Variants in GSG1L2 observed in about 807,000 individuals in gnomAD.
GSG1L2 encodes the protein germ cell-specific gene 1-like protein 2.
In GSG1L2, 15 loss-of-function variants were observed where a neutral mutation model predicts 9.0. The ratio of observed to expected loss-of-function variants is 1.67; its 90% CI spans 1.12 to 2.57. The LOEUF is 2.57. Among genes scored for constraint, GSG1L2 ranks in the 30% most tolerant of loss-of-function variants. GSG1L2 has a pLI of 0.00. For synonymous variants in GSG1L2, 127 were observed against 57.9 expected (o/e 2.19, Z -5.41); for missense variants, 286 against 150.3 (o/e 1.90, Z -4.72).
intron 1 of GSG1L2, among the ~76,000 whole-genome samples, chr17:9,815,439 C>T (rs2066555790): frequency 6.6e-6 from 1 of 152,250 alleles, no homozygotes; most frequent in Non-Finnish European, 1.5e-5. Flanking sequence ...AAGCACGTTC[C>T]ACCAAACAAT....
chr17:9,803,983 T>C (rs899474049), intron 4 of GSG1L2: 1 of 152,222 alleles, frequency 6.6e-6, no homozygotes, highest in African/African-American at 2.4e-5. Flanking sequence ...TCTTGCTTCG[T>C]GTTTTCATTA....
Position 9,801,115 on chromosome 17 carries a change from T to C in GSG1L2, c.*1271A>G, listed in dbSNP as rs1358758436. On this transcript the variant is annotated 3_prime_UTR_variant, in exon 5 of 5. Transcript: ENST00000399363. ...TATTGGATTTTTTTCCCAGAAATGA[T>C]ATGTTTACAAAACACGTGAATATAA... 6.6e-6 allele frequency among the ~76,000 whole-genome samples: 1 copy of C among 152,190 alleles called. No individual in the cohort carries two copies. The highest frequency in any genetic ancestry group is 1.5e-5 in the Non-Finnish European group (1 of 68,040).
At chr17:9,809,791 C>G (rs1445392704) in intron 2 of GSG1L2, 1 of 152,304 alleles carries the variant, frequency 6.6e-6, no homozygotes, top group Non-Finnish European at 1.5e-5. Flanking sequence ...CCCAGGAAGT[C>G]TGGCTAGCCT....
intron 1 of GSG1L2, among the ~76,000 whole-genome samples, chr17:9,813,245 T>C (rs999751227): frequency 5.9e-5 from 9 of 152,192 alleles, no homozygotes; most frequent in Non-Finnish European, 1.2e-4. Context: ...CCTTCACACT[T>C]CTGCATCACC....
intron 4 of GSG1L2, among the ~76,000 whole-genome samples, chr17:9,805,937 G>A (rs143447722): frequency 1.2e-4 from 19 of 152,282 alleles, no homozygotes; most frequent in Non-Finnish European, 2.5e-4. Flanking sequence ...CATGGTAATG[G>A]CTGCTTGTTT....
intron 1 of GSG1L2, among the ~76,000 whole-genome samples, chr17:9,811,432 A>G (rs766294184): frequency 1.3e-5 from 2 of 152,204 alleles, no homozygotes; most frequent in African/African-American, 2.4e-5. Context: ...GGTTGCACAC[A>G]TCAGGTGAAA....
At chr17:9,815,506 G>A (rs1597943965) in intron 1 of GSG1L2, among the ~76,000 whole-genome samples, 1 of 150,708 alleles carries the variant, frequency 6.6e-6, no homozygotes, top group East Asian at 1.9e-4. Context: ...CCATAAATTT[G>A]GGGGAAACAC....
chr17:9,815,841 C>G (rs11655549), intron 1 of GSG1L2, among the ~76,000 whole-genome samples: 1 of 151,948 alleles, frequency 6.6e-6, no homozygotes, highest in African/African-American at 2.4e-5. Flanking sequence ...AATTTAATCC[C>G]TAGTGAGGCA....
intron 1 of GSG1L2, among the ~76,000 whole-genome samples, chr17:9,821,264 G>T (rs1308510342): frequency 6.6e-6 from 1 of 152,128 alleles, no homozygotes; most frequent in African/African-American, 2.4e-5. Context: ...TTCTTTGAGA[G>T]GTAAAAACAC....
At chr17:9,815,696 C>G (rs187338110) in intron 1 of GSG1L2, among the ~76,000 whole-genome samples, 22 of 152,328 alleles carry the variant, frequency 1.4e-4, no homozygotes, top group Admixed American at 1.0e-3. Context: ...AAAGGCATCT[C>G]TGAGGAGTAA....
rs2066497523 is a variant in GSG1L2, at chr17:9,801,736, G to T, written c.*650C>A. On this transcript the variant is annotated 3_prime_UTR_variant, in exon 5 of 5. Coordinates refer to ENST00000399363, the MANE Select transcript of GSG1L2 (RefSeq NM_001310219.2). ...TTTAAGCAGAACAACTCAAACATGT[G>T]TTCCACTTAAACTAAGATAAGATGT... is the stretch of plus-strand genomic sequence containing the variant. Among the ~76,000 whole-genome samples, 1 of 152,194 alleles carries T rather than the reference G, an allele frequency of 6.6e-6. No homozygotes were observed. Among genetic ancestry groups the T allele is most frequent in the South Asian group, 2.1e-4 (1 of 4,830 alleles).
chr17:9,806,707 C>T (rs554911766), intron 4 of GSG1L2, among the ~76,000 whole-genome samples: 1 of 152,316 alleles, frequency 6.6e-6, no homozygotes, highest in Non-Finnish European at 1.5e-5. Context: ...GTGATAGCCC[C>T]TCAGAACCAA....
chr17:9,805,652 T>C (rs1005610453), intron 4 of GSG1L2: 2 of 152,196 alleles, frequency 1.3e-5, no homozygotes, highest in African/African-American at 4.8e-5. Context: ...GATAATTCAA[T>C]GGGACCTAAG....
intron 1 of GSG1L2, among the ~76,000 whole-genome samples, chr17:9,819,938 T>A (rs1348159371): frequency 6.6e-6 from 1 of 151,634 alleles, no homozygotes; most frequent in South Asian, 2.1e-4. Flanking sequence ...TAAAAAAAAA[T>A]TTTGGCCAGG....
chr17:9,821,622 ACAGCCTGGCTCCAGAGC>A (rs2066589970), intron 1 of GSG1L2, 123 bp downstream of exon 1: 1 of 627,608 alleles, frequency 1.6e-6, no homozygotes, highest in Middle Eastern at 2.7e-4. Flanking sequence ...TCAAACCCAG[ACAGCCTGGCTCCAGAGC>A]CCCTGCATCA....
chr17:9,816,807 GTC>G (rs2066567251), intron 1 of GSG1L2, among the ~76,000 whole-genome samples: 2 of 149,414 alleles, frequency 1.3e-5, no homozygotes, highest in Admixed American at 6.7e-5. Flanking sequence ...GTGTATGTGT[GTC>G]TGTTGTATCT....
In GSG1L2 at chr17:9,800,923, T is replaced by C. The variant is rs2066494395; in HGVS notation, c.*1463A>G. On this transcript the variant is annotated 3_prime_UTR_variant, in exon 5 of 5. Coordinates refer to ENST00000399363, the MANE Select transcript of GSG1L2 (RefSeq NM_001310219.2). The stretch of plus-strand genomic sequence containing the variant: ...TTGGGCTTATTCCAGCAAGAATCCA[T>C]TGTCTATCTCTCATATATGCTTAGC... 6.6e-6 allele frequency among the ~76,000 whole-genome samples: 1 copy of C among 152,240 alleles called. No homozygotes were observed. Among genetic ancestry groups the C allele is most frequent in the Non-Finnish European group, 1.5e-5 (1 of 68,044 alleles).
intron 4 of GSG1L2, among the ~76,000 whole-genome samples, chr17:9,806,244 T>C (rs2066515769): frequency 1.3e-5 from 2 of 152,206 alleles, no homozygotes. Flanking sequence ...AGTCTTATCT[T>C]CAGGCAGGCT....
intron 2 of GSG1L2, 145 bp from the exon 3 acceptor site, chr17:9,809,127 C>T: frequency 1.6e-6 from 1 of 615,860 alleles, no homozygotes; most frequent in East Asian, 2.8e-5. Flanking sequence ...TCTGCTGAAT[C>T]TTAGCTGGCA....
Sources: gnomAD v4.1 joint callset for allele counts (sites outside exome capture counted in the v4.1 genomes callset) on GRCh38, gnomAD v4.1.1 for gene constraint, MANE v1.5 for transcripts, NCBI Gene and HGNC (gene_info 2026-07-23, HGNC 2026-07-21) for gene names.